The following STAG1 variants were observed in gnomAD, a reference collection of about 807,000 sequenced individuals.
STAG1 encodes the protein STAG1 cohesin complex component, also known as cohesin subunit SA-1.
In STAG1, 26 loss-of-function variants were observed where a neutral mutation model predicts 170.9. The observed-to-expected ratio is 0.15, with a 90% CI of 0.11 to 0.21. The LOEUF (loss-of-function observed/expected upper bound fraction) is 0.21. Ranked by LOEUF, STAG1 falls within the 10% of genes least tolerant of loss-of-function variation. STAG1 has a pLI of 1.00. For missense variants in STAG1, 964 were observed against 1,509.5 expected (o/e 0.64, Z 5.99); for synonymous variants, 514 against 497.7 (o/e 1.03, Z -0.44).
At chr3:136,628,469 AG>A (rs1189127242) in intron 2 of STAG1, among the ~76,000 whole-genome samples, 1 of 152,082 alleles carries the variant, frequency 6.6e-6, no homozygotes, top group East Asian at 1.9e-4. Context: ...GAGAAAAAAA[AG>A]GGGTGGGGGG....
At chr3:136,551,233 G>C (rs1339621252) in intron 5 of STAG1, among the ~76,000 whole-genome samples, 1 of 144,544 alleles carries the variant, frequency 6.9e-6, no homozygotes, top group African/African-American at 2.6e-5. Flanking sequence ...GAGAGAGAGA[G>C]AGAGAGAGAG....
intron 1 of STAG1, among the ~76,000 whole-genome samples, chr3:136,669,361 CTTTCTTT>C (rs1266109490): frequency 6.6e-6 from 1 of 151,858 alleles, no homozygotes; most frequent in Admixed American, 6.6e-5. Flanking sequence ...TTTCTTTCTT[CTTTCTTT>C]TTTGAGACGA....
intron 1 of STAG1, among the ~76,000 whole-genome samples, chr3:136,671,105 T>C (rs1292594309): frequency 6.6e-6 from 1 of 152,000 alleles, no homozygotes; most frequent in Non-Finnish European, 1.5e-5. Context: ...GCCAAAATGG[T>C]GAAACCTCGT....
intron 4 of STAG1, among the ~76,000 whole-genome samples, chr3:136,587,800 C>T (rs1212851077): frequency 6.6e-6 from 1 of 151,914 alleles, no homozygotes; most frequent in African/African-American, 2.4e-5. Flanking sequence ...ACCAAAAACA[C>T]AAAAATTAGC....
intron 1 of STAG1, among the ~76,000 whole-genome samples, chr3:136,713,998 T>C (rs1943454574): frequency 6.6e-6 from 1 of 152,044 alleles, no homozygotes; most frequent in Non-Finnish European, 1.5e-5. Flanking sequence ...CACTCCAGCC[T>C]GGGCAACAGA....
intron 22 of STAG1, among the ~76,000 whole-genome samples, chr3:136,379,749 T>C (rs1404904425): frequency 2.6e-5 from 4 of 152,144 alleles, no homozygotes; most frequent in South Asian, 4.1e-4. Context: ...TGAGGAACTG[T>C]TAATTTATTG....
intron 16 of STAG1, 64 bp from the exon 17 acceptor site, chr3:136,423,108 A>T: frequency 9.6e-7 from 1 of 1,044,848 alleles, no homozygotes; most frequent in Non-Finnish European, 1.4e-6. Flanking sequence ...ACTGTTACAT[A>T]TATTGATGAA....
intron 1 of STAG1, among the ~76,000 whole-genome samples, chr3:136,702,425 T>C (rs1272750029): frequency 6.6e-6 from 1 of 152,146 alleles, no homozygotes; most frequent in African/African-American, 2.4e-5. Flanking sequence ...CTTGCTCTGT[T>C]ACCCAGGCTG....
chr3:136,618,612 A>T (rs1387308032), intron 3 of STAG1, among the ~76,000 whole-genome samples: 1 of 152,166 alleles, frequency 6.6e-6, no homozygotes. Flanking sequence ...CGAGAGACTA[A>T]AGAGGGGTTA....
intron 9 of STAG1, among the ~76,000 whole-genome samples, chr3:136,498,609 T>C (rs1191533290): frequency 6.6e-6 from 1 of 151,770 alleles, no homozygotes; most frequent in Non-Finnish European, 1.5e-5. Flanking sequence ...GGTGGTTTTA[T>C]AGGTGTATAT....
intron 9 of STAG1, among the ~76,000 whole-genome samples, chr3:136,495,565 G>A (rs1302394752): frequency 2.6e-5 from 4 of 152,126 alleles, no homozygotes; most frequent in African/African-American, 7.2e-5. Context: ...TGGCACGGTG[G>A]CTCATGTCTG....
In STAG1 at chr3:136,520,828, C is replaced by T. The variant is rs976028239; in HGVS notation, c.676+385G>A. On this transcript the variant is annotated intron_variant, in intron 7 of 33. Transcript: ENST00000383202. ...TATAAACAAGTATTTACCCACTTAT[C>T]TATAATAATAATGAGCAATAAAACA... is the stretch of plus-strand genomic sequence containing the variant. Among the ~76,000 whole-genome samples, 3 of 152,004 alleles carry T rather than the reference C, an allele frequency of 2.0e-5. No individual in the cohort carries two copies. In the East Asian group the frequency reaches 5.8e-4, roughly 29 times the overall value.
intron 24 of STAG1, 110 bp from the exon 25 acceptor site, chr3:136,367,192 G>A: frequency 1.1e-6 from 1 of 871,606 alleles, no homozygotes; most frequent in Non-Finnish European, 1.7e-6. Context: ...TTCACAAATA[G>A]TACAATTCAG....
intron 7 of STAG1, among the ~76,000 whole-genome samples, chr3:136,513,410 G>A (rs1289398200): frequency 1.3e-5 from 2 of 151,636 alleles, no homozygotes; most frequent in Non-Finnish European, 2.9e-5. Context: ...AATGTAAAAG[G>A]ATACTCAAAA....
intron 25 of STAG1, among the ~76,000 whole-genome samples, chr3:136,363,960 A>G (rs1224613971): frequency 6.6e-6 from 1 of 152,092 alleles, no homozygotes; most frequent in East Asian, 1.9e-4. Context: ...GGTTTTTGCC[A>G]TGTTGCCCAG....
At chr3:136,374,919 T>G (rs559708409) in intron 23 of STAG1, among the ~76,000 whole-genome samples, 7 of 152,242 alleles carry the variant, frequency 4.6e-5, no homozygotes, top group Non-Finnish European at 8.8e-5. Context: ...AGTATACCAT[T>G]TTTAAATCTT....
chr3:136,365,666 A>T (rs1937047202), intron 25 of STAG1, among the ~76,000 whole-genome samples: 1 of 152,116 alleles, frequency 6.6e-6, no homozygotes, highest in Non-Finnish European at 1.5e-5. Flanking sequence ...CTTGATGCTG[A>T]GCCTAAGATT....
At chr3:136,711,564 GAA>G (rs11285523) in intron 1 of STAG1, among the ~76,000 whole-genome samples, 76 of 146,212 alleles carry the variant, frequency 5.2e-4, no homozygotes, top group Non-Finnish European at 3.3e-4. Flanking sequence ...ATGTTTCAAG[GAA>G]AAAAAAAAAG....
chr3:136,746,486 C>T (rs1439985948), intron 1 of STAG1, among the ~76,000 whole-genome samples: 3 of 151,982 alleles, frequency 2.0e-5, no homozygotes, highest in Non-Finnish European at 2.9e-5. Flanking sequence ...TGTTGGGCCA[C>T]GGGTTGGACA....
Sources: gnomAD v4.1 joint callset for allele counts (sites outside exome capture counted in the v4.1 genomes callset) on GRCh38, gnomAD v4.1.1 for gene constraint, MANE v1.5 for transcripts, NCBI Gene and HGNC (gene_info 2026-07-23, HGNC 2026-07-21) for gene names.